GPSM2: variants seen among roughly 807,000 people sequenced by gnomAD.
The protein encoded by GPSM2 is G protein signaling modulator 2, also known as G protein-signaling modulator 2.
A neutral mutation model predicts 78.4 loss-of-function variants in GPSM2; 58 were observed. That is an observed-to-expected ratio of 0.74 (90% CI 0.60 to 0.92). GPSM2 has a LOEUF of 0.92. GPSM2 is among the 40% of genes least tolerant of loss of function. The pLI is 0.00. For synonymous variants in GPSM2, 224 were observed against 280.2 expected (o/e 0.80, Z 2.00); for missense variants, 700 against 815.5 (o/e 0.86, Z 1.73).
rs146011998 is a variant in GPSM2, at chr1:108,930,112, C to T, written c.*172C>T. On this transcript the variant is annotated 3_prime_UTR_variant, in exon 15 of 15. Transcript: ENST00000264126. ...AGGCATTAATACTTCTCTGGACATG[C>T]GCGTTTGAGGGTGGAGGGGTCCTGT... 1.0e-4 allele frequency: 65 copies of T among 644,314 alleles called. No homozygotes were observed. In the Admixed American group the frequency reaches 1.2e-3, roughly 12 times the overall value. The allele number at this position is 644,314 out of a possible 1,614,324, so 39.9% of individuals were successfully genotyped here. A position where few individuals can be genotyped will look rare whatever the true frequency, so the allele number is the denominator to read the frequency against.
chr1:108,891,558 G>A (rs749777993), intron 2 of GPSM2, among the ~76,000 whole-genome samples: 8 of 151,932 alleles, frequency 5.3e-5, no homozygotes, highest in Non-Finnish European at 1.2e-4. Context: ...GCAGAGGTGT[G>A]ATCTTAGCTT....
At chr1:108,886,693 T>G (rs950424281) in intron 2 of GPSM2, among the ~76,000 whole-genome samples, 1 of 152,152 alleles carries the variant, frequency 6.6e-6, no homozygotes, top group African/African-American at 2.4e-5. Context: ...TGTATGTGTG[T>G]TGGTGGGGGT....
At chr1:108,908,362 C>T (rs1355432819) in intron 10 of GPSM2, among the ~76,000 whole-genome samples, 5 of 145,936 alleles carry the variant, frequency 3.4e-5, no homozygotes, top group Admixed American at 2.8e-4. Context: ...CAGAGCGAGA[C>T]TCTGTCTCAA....
Position 108,924,033 on chromosome 1 carries a change from A to G in GPSM2, c.1634A>G (p.Asp545Gly). 1.2e-6 allele frequency: 2 copies of G among 1,612,268 alleles called. No individual in the cohort carries two copies. The highest frequency in any genetic ancestry group is 2.2e-5 in the South Asian group (2 of 91,042). ...GTTCCTGTGGTATCCCCCAACACGG[A>G]TGAGTTTTTAGATCTTCTTGCCAGC... ...SSVPVVSPNT[D>G]EFLDLLASSQ... The change falls in exon 14 of 15, where the codon GAT becomes GGT. Residue 545 changes from aspartate (D) to glycine (G), a missense_variant. Asp to Gly is a moderately conservative substitution (Grantham distance 94). Coordinates refer to ENST00000264126, the MANE Select transcript of GPSM2 (RefSeq NM_013296.5).
chr1:108,884,039 T>G (rs1378610333), intron 1 of GPSM2, among the ~76,000 whole-genome samples: 1 of 151,756 alleles, frequency 6.6e-6, no homozygotes, highest in Non-Finnish European at 1.5e-5. Flanking sequence ...ACCTCCCGGG[T>G]TCAAGTGATT....
At chr1:108,897,239 A>G (rs1183835423) in intron 3 of GPSM2, among the ~76,000 whole-genome samples, 154 bp downstream of exon 3, 2 of 152,236 alleles carry the variant, frequency 1.3e-5, no homozygotes, top group African/African-American at 4.8e-5. Flanking sequence ...GGCTGAACAC[A>G]GTTTAATTGA....
At chr1:108,912,052 C>T (rs1413963619) in intron 10 of GPSM2, among the ~76,000 whole-genome samples, 1 of 152,038 alleles carries the variant, frequency 6.6e-6, no homozygotes. Context: ...AAGGGATCTG[C>T]CCACCTCAGT....
chr1:108,918,760 ATTGAC>A lies in GPSM2; in HGVS notation c.1412_1416del (p.Ile471ThrfsTer18), dbSNP rs1167489855. The A allele has an allele frequency of 6.2e-7, 1 of 1,613,562 alleles. No homozygotes were observed. The highest frequency in any genetic ancestry group is 8.5e-7 in the Non-Finnish European group (1 of 1,179,638). On this transcript the variant is annotated frameshift_variant, in exon 12 of 15. Coordinates refer to ENST00000264126, the MANE Select transcript of GPSM2 (RefSeq NM_013296.5). LOFTEE classifies it high-confidence loss of function. ...AGTTCTCCAAGATGCCAGTAATTCT[ATTGAC>A]CACCGAATTCCAAATTCTCAGAGGG... is the stretch of plus-strand genomic sequence containing the variant.
At chr1:108,914,505 A>G (rs1650027787) in intron 11 of GPSM2, 97 bp downstream of exon 11, 1 of 881,802 alleles carries the variant, frequency 1.1e-6, no homozygotes, top group Non-Finnish European at 1.8e-6. Context: ...GGCTTGCCCT[A>G]TATAGGTATC....
chr1:108,911,799 ATT>A (rs71069618), intron 10 of GPSM2, among the ~76,000 whole-genome samples: 3 of 108,716 alleles, frequency 2.8e-5, no homozygotes, highest in Non-Finnish European at 5.2e-5. Context: ...TGGGAAGACA[ATT>A]TTTTTTTTTT....
At position 108,931,108 on chromosome 1, in the gene GPSM2, G is replaced by A. The variant is rs184903366; in HGVS notation, c.*1168G>A. 37 of 377,936 alleles carry A rather than the reference G, an allele frequency of 9.8e-5. No individual in the cohort carries two copies. Among genetic ancestry groups the A allele is most frequent in the Non-Finnish European group, 1.5e-4 (31 of 212,288 alleles). The allele number at this position is 377,936 out of a possible 1,614,324, so 23.4% of individuals were successfully genotyped here. A position where few individuals can be genotyped will look rare whatever the true frequency, so the allele number is the denominator to read the frequency against. ...CTGTTTAAAAAAATTATTTAAAATG[G>A]TCTCTTCTGTTCCATAATACTGCTG... is the stretch of plus-strand genomic sequence containing the variant. On this transcript the variant is annotated 3_prime_UTR_variant, in exon 15 of 15. Transcript: ENST00000264126.
intron 1 of GPSM2, among the ~76,000 whole-genome samples, chr1:108,881,917 A>G (rs943796000): frequency 1.3e-5 from 2 of 152,240 alleles, no homozygotes; most frequent in African/African-American, 4.8e-5. Flanking sequence ...TGCAAAATTT[A>G]GAATTTCATT....
Position 108,897,527 on chromosome 1 carries a change from G to T in GPSM2, c.314G>T (p.Ser105Ile). 2.5e-6 allele frequency: 4 copies of T among 1,613,612 alleles called. No individual in the cohort carries two copies. Among genetic ancestry groups the T allele is most frequent in the Non-Finnish European group, 2.5e-6 (3 of 1,179,832 alleles). Residue 105 changes from serine to isoleucine, a missense_variant, in exon 4 of 15, where the codon AGT becomes ATT. Physicochemically the swap from Ser to Ile is moderately radical, Grantham distance 142. Coordinates refer to ENST00000264126, the MANE Select transcript of GPSM2 (RefSeq NM_013296.5). ...IGDQLGEAKA[S>I]GNLGNTLKVL... is the part of the protein sequence containing the mutation. Reference sequence around the variant, plus strand: ...GACCAGCTGGGGGAAGCGAAAGCTAGTGGTAATCTGGGAAACACCTTAAAA... The same window carrying T: ...GACCAGCTGGGGGAAGCGAAAGCTATTGGTAATCTGGGAAACACCTTAAAA...
At chr1:108,917,611 CAT>C (rs55909258) in intron 11 of GPSM2, among the ~76,000 whole-genome samples, 268 of 22,366 alleles carry the variant, frequency 0.012, 1 homozygote, top group East Asian at 0.018. Flanking sequence ...CACACACACA[CAT>C]ATATATATAT....
chr1:108,879,840 A>G (rs913462039), intron 1 of GPSM2, among the ~76,000 whole-genome samples: 1 of 152,122 alleles, frequency 6.6e-6, no homozygotes, highest in African/African-American at 2.4e-5. Context: ...GCTGAATATG[A>G]ATATATGCTT....
rs573583224 is a variant in GPSM2, at chr1:108,912,072, T to C, written c.1193-2266T>C. ...ATCTGCCCACCTCAGTCTCCCAAAG[T>C]GCTGGGATTACAGGCATGCACCACC... is the stretch of plus-strand genomic sequence containing the variant. On this transcript the variant is annotated intron_variant, in intron 10 of 14. Transcript: ENST00000264126. Among the ~76,000 whole-genome samples, 21 of 152,214 alleles carry C rather than the reference T, an allele frequency of 1.4e-4. No homozygotes were observed. The East Asian group carries it at 4.0e-3, about 29-fold the overall frequency.
rs376293534 is a variant in GPSM2, at chr1:108,897,064, A to G, written c.257A>G (p.His86Arg). The part of the protein sequence containing the change: ...HDYAKALEYH[H>R]HDLTLARTIG... ...TATGCCAAAGCATTAGAATATCACC[A>G]TCATGATTTAACCCTTGCAAGGTAA... The change falls in exon 3 of 15, where the codon CAT becomes CGT. Residue 86 changes from histidine to arginine, a missense_variant. Physicochemically the swap from His to Arg is conservative, Grantham distance 29 (BLOSUM62 0). Transcript: ENST00000264126. The G allele has an allele frequency of 1.1e-5, 18 of 1,606,370 alleles. No homozygotes were observed. Among genetic ancestry groups the G allele is most frequent in the Non-Finnish European group, 1.4e-5 (17 of 1,173,480 alleles).
chr1:108,923,852 T>C (rs1227037808), intron 13 of GPSM2, 148 bp from the exon 14 acceptor site: 1 of 670,890 alleles, frequency 1.5e-6, no homozygotes, highest in Non-Finnish European at 2.7e-6. Context: ...CCAAAGCCCA[T>C]CAGTGTCAGC....
chr1:108,910,519 A>C (rs1649648279), intron 10 of GPSM2, among the ~76,000 whole-genome samples: 1 of 152,234 alleles, frequency 6.6e-6, no homozygotes, highest in Non-Finnish European at 1.5e-5. Flanking sequence ...TGAACATAAG[A>C]TATAAAAATC....
Sources: gnomAD v4.1 joint callset for allele counts (sites outside exome capture counted in the v4.1 genomes callset) on GRCh38, gnomAD v4.1.1 for gene constraint, MANE v1.5 for transcripts, NCBI Gene and HGNC (gene_info 2026-07-23, HGNC 2026-07-21) for gene names.